BBS9: variants seen among roughly 807,000 people sequenced by gnomAD.
BBS9 encodes the protein Bardet-Biedl syndrome 9.
In BBS9, 89 loss-of-function variants were observed where a neutral mutation model predicts 117.7. That is an observed-to-expected ratio of 0.76 (90% CI 0.64 to 0.90). The LOEUF (loss-of-function observed/expected upper bound fraction) is 0.90. BBS9 is among the 40% of genes least tolerant of loss of function. BBS9 has a pLI of 0.00. For synonymous variants in BBS9, 379 were observed against 370.9 expected (o/e 1.02, Z -0.25); for missense variants, 982 against 1,042.2 (o/e 0.94, Z 0.80).
chr7:33,398,814 C>G (rs981045042), intron 19 of BBS9, among the ~76,000 whole-genome samples: 2 of 152,106 alleles, frequency 1.3e-5, no homozygotes, highest in Non-Finnish European at 1.5e-5. Context: ...TCTTGGTTCA[C>G]TGCTGGGACT....
At chr7:33,377,959 A>T (rs1824203769) in intron 17 of BBS9, among the ~76,000 whole-genome samples, 1 of 152,210 alleles carries the variant, frequency 6.6e-6, no homozygotes, top group Admixed American at 6.5e-5. Context: ...TGGCCCTAAA[A>T]TAGTACTGTA....
chr7:33,620,484 C>G (rs1485260994), intron 21 of BBS9, among the ~76,000 whole-genome samples: 4 of 151,052 alleles, frequency 2.6e-5, no homozygotes, highest in South Asian at 2.1e-4. Flanking sequence ...AAAAAGAAAT[C>G]AAGAAAAATC....
chr7:33,299,176 G>A (rs1330193056), intron 9 of BBS9, among the ~76,000 whole-genome samples: 1 of 152,120 alleles, frequency 6.6e-6, no homozygotes. Context: ...ATTCACAATT[G>A]CATGCATACT....
chr7:33,469,432 A>G (rs1245102157), intron 19 of BBS9, among the ~76,000 whole-genome samples: 1 of 152,144 alleles, frequency 6.6e-6, no homozygotes, highest in African/African-American at 2.4e-5. Flanking sequence ...TATTTGGCTA[A>G]ATATCTGTGG....
At chr7:33,225,117 AGTT>A (rs1790988530) in intron 5 of BBS9, among the ~76,000 whole-genome samples, 2 of 152,322 alleles carry the variant, frequency 1.3e-5, no homozygotes, top group South Asian at 2.1e-4. Context: ...ACAAATTAGT[AGTT>A]GTTGTTTTCA....
intron 21 of BBS9, among the ~76,000 whole-genome samples, chr7:33,540,345 A>C (rs1852086425): frequency 6.6e-6 from 1 of 152,246 alleles, no homozygotes; most frequent in African/African-American, 2.4e-5. Context: ...ATAAAGGTGG[A>C]TACATTGATA....
intron 9 of BBS9, among the ~76,000 whole-genome samples, chr7:33,314,724 A>G (rs1372838898): frequency 1.3e-5 from 2 of 152,222 alleles, no homozygotes; most frequent in African/African-American, 4.8e-5. Context: ...ACATACACAA[A>G]TTCAATCTCA....
intron 17 of BBS9, among the ~76,000 whole-genome samples, chr7:33,381,296 T>G (rs1191169091): frequency 6.6e-6 from 1 of 152,198 alleles, no homozygotes; most frequent in African/African-American, 2.4e-5. Context: ...GAATCAGTGA[T>G]GGCAGAAGAG....
At chr7:33,394,294 A>G (rs141999755) in intron 19 of BBS9, among the ~76,000 whole-genome samples, 181 of 152,260 alleles carry the variant, frequency 1.2e-3, no homozygotes, top group African/African-American at 4.2e-3. Flanking sequence ...GCAAACTAAC[A>G]CAGGAACAGA....
At chr7:33,559,270 C>A (rs1319511335) in intron 21 of BBS9, among the ~76,000 whole-genome samples, 2 of 152,136 alleles carry the variant, frequency 1.3e-5, no homozygotes, top group African/African-American at 4.8e-5. Flanking sequence ...TGCTCAGAAA[C>A]CGCAGGGTAT....
chr7:33,376,932 G>T (rs976218284), intron 17 of BBS9, among the ~76,000 whole-genome samples: 12 of 151,918 alleles, frequency 7.9e-5, no homozygotes, highest in African/African-American at 2.7e-4. Flanking sequence ...GTTCCTTATA[G>T]ATTCTGGATA....
chr7:33,470,400 A>G lies in BBS9; in HGVS notation c.2116-35063A>G, dbSNP rs538803362. Among the ~76,000 whole-genome samples the G allele has an allele frequency of 7.2e-5, 11 of 152,026 alleles. No individual in the cohort carries two copies. The South Asian group carries it at 1.5e-3, about 20-fold the overall frequency. On this transcript the variant is annotated intron_variant, in intron 19 of 22. Coordinates refer to ENST00000242067, the MANE Select transcript of BBS9 (RefSeq NM_198428.3). ...ATCACTTCTGGACCTTCTAAAATAT[A>G]TATTTTTTTCTATTGCTATTCAGCT...
chr7:33,435,443 T>C (rs1390611281), intron 19 of BBS9, among the ~76,000 whole-genome samples: 1 of 152,180 alleles, frequency 6.6e-6, no homozygotes, highest in Non-Finnish European at 1.5e-5. Flanking sequence ...AAAATATCCC[T>C]TTTGTAGATG....
intron 12 of BBS9, among the ~76,000 whole-genome samples, chr7:33,346,795 G>A (rs771653264): frequency 6.6e-6 from 1 of 152,154 alleles, no homozygotes; most frequent in Non-Finnish European, 1.5e-5. Context: ...GTTGTGCCAG[G>A]AAAAGCCAGA....
chr7:33,271,470 C>G (rs1292907148), intron 7 of BBS9, among the ~76,000 whole-genome samples: 1 of 152,100 alleles, frequency 6.6e-6, no homozygotes, highest in East Asian at 1.9e-4. Flanking sequence ...TTCAAGAGAC[C>G]CATCTCACAT....
intron 19 of BBS9, among the ~76,000 whole-genome samples, chr7:33,465,935 A>C (rs1394171689): frequency 6.6e-6 from 1 of 152,206 alleles, no homozygotes; most frequent in East Asian, 1.9e-4. Context: ...AAAATGAATC[A>C]AGTTGATATA....
In BBS9 at chr7:33,344,577, A is replaced by G; in HGVS notation, c.1276-4A>G. The G allele has an allele frequency of 6.2e-7, 1 of 1,613,966 alleles. No homozygotes were observed. Among genetic ancestry groups the G allele is most frequent in the Non-Finnish European group, 8.5e-7 (1 of 1,179,902 alleles). ...TTCTTGCCTTCTCAATTCTGTGTTT[A>G]CAGCAAGCGACCGATGTTGAGGTGG... On this transcript the variant is annotated splice_region_variant and splice_polypyrimidine_tract_variant and intron_variant, in intron 11 of 22. Transcript: ENST00000242067.
At chr7:33,428,570 A>C (rs556911743) in intron 19 of BBS9, among the ~76,000 whole-genome samples, 2 of 152,222 alleles carry the variant, frequency 1.3e-5, no homozygotes, top group East Asian at 3.9e-4. Flanking sequence ...GAAGAACATG[A>C]TTGACTTGGC....
intron 21 of BBS9, among the ~76,000 whole-genome samples, chr7:33,601,893 A>G (rs1156890388): frequency 6.6e-6 from 1 of 152,156 alleles, no homozygotes; most frequent in Non-Finnish European, 1.5e-5. Context: ...ACCAGGGGCT[A>G]TTACCATCCC....
Sources: allele counts gnomAD v4.1 joint callset (sites outside exome capture counted in the v4.1 genomes callset), GRCh38; gene constraint gnomAD v4.1.1; transcripts MANE v1.5; gene names NCBI Gene and HGNC (gene_info 2026-07-23, HGNC 2026-07-21).